Variants in MEGF9 observed in about 807,000 individuals in gnomAD.
The protein encoded by MEGF9 is multiple epidermal growth factor-like domains protein 9.
Under a neutral mutation model 46.8 loss-of-function variants are expected in MEGF9, and 6 were observed. The observed-to-expected ratio is 0.13, with a 90% confidence interval of 0.07 to 0.25. MEGF9 has a LOEUF of 0.25. MEGF9 is among the 10% of genes least tolerant of loss of function. The pLI, the probability that MEGF9 is intolerant of heterozygous loss-of-function variation, is 1.00. For synonymous variants in MEGF9, 302 were observed against 330.7 expected (o/e 0.91, Z 0.94); for missense variants, 683 against 792.4 (o/e 0.86, Z 1.66).
chr9:120,659,584 G>A lies in MEGF9; in HGVS notation c.602-9C>T, dbSNP rs763852811. ...GCAGTTACATACATACTCTGCAAAG[G>A]AAAGAAGGAAAGAGACATTACCAAC... On this transcript the variant is annotated splice_polypyrimidine_tract_variant and intron_variant, in intron 1 of 5. Transcript: ENST00000373930. 1.3e-6 allele frequency: 2 copies of A among 1,584,598 alleles called. No homozygotes were observed. The highest frequency in any genetic ancestry group is 1.7e-6 in the Non-Finnish European group (2 of 1,162,436).
intron 2 of MEGF9, among the ~76,000 whole-genome samples, chr9:120,632,666 T>G (rs906364899): frequency 6.6e-6 from 1 of 152,218 alleles, no homozygotes; most frequent in African/African-American, 2.4e-5. Flanking sequence ...CATCCTTGTC[T>G]TTTTCCAGTT....
rs1326141438 is a variant in MEGF9 at position 120,602,546 on chromosome 9, GA to G, written c.*2643del. 9 of 152,186 alleles carry G rather than the reference GA, an allele frequency of 5.9e-5. No homozygotes were observed. The highest frequency in any genetic ancestry group is 8.8e-5 in the Non-Finnish European group (6 of 68,004). 9.4% of individuals were successfully genotyped at this position (152,186 alleles called of 1,614,324 possible). On this transcript the variant is annotated 3_prime_UTR_variant, in exon 6 of 6. Coordinates refer to ENST00000373930, the MANE Select transcript of MEGF9 (RefSeq NM_001080497.3). The stretch of plus-strand genomic sequence containing the variant: ...ATTTTAAGACTTTTTTTCCCATTGA[GA>G]AAAATTATAACCATGATCTAGGAGC...
intron 3 of MEGF9, among the ~76,000 whole-genome samples, chr9:120,612,934 T>C (rs1267959587): frequency 6.6e-6 from 1 of 151,810 alleles, no homozygotes; most frequent in Non-Finnish European, 1.5e-5. Flanking sequence ...TCTTTTTTTT[T>C]TTTTTTTTTT....
chr9:120,673,063 A>G (rs886750611), intron 1 of MEGF9, among the ~76,000 whole-genome samples: 1 of 152,220 alleles, frequency 6.6e-6, no homozygotes, highest in African/African-American at 2.4e-5. Context: ...CAAAATTAAC[A>G]AACAAAAATC....
rs746375208 is a variant in MEGF9 at position 120,617,887 on chromosome 9, TA to T, written c.943+4728del. 2.0e-5 allele frequency among the ~76,000 whole-genome samples: 3 copies of T among 152,140 alleles called. No individual in the cohort carries two copies. The East Asian group carries it at 5.8e-4, about 29-fold the overall frequency. ...CTGATGAGCTGGATATTTGCAGTAA[TA>T]AAAAGGAGCAAAATCAAAAATGACT... On this transcript the variant is annotated intron_variant, in intron 3 of 5. Transcript: ENST00000373930.
At chr9:120,639,695 G>A (rs2043593792) in intron 2 of MEGF9, among the ~76,000 whole-genome samples, 2 of 152,024 alleles carry the variant, frequency 1.3e-5, no homozygotes, top group South Asian at 2.1e-4. Flanking sequence ...TATGTGGTAA[G>A]CACATATATA....
At chr9:120,678,868 G>GA (rs1246643929) in intron 1 of MEGF9, among the ~76,000 whole-genome samples, 1 of 152,066 alleles carries the variant, frequency 6.6e-6, no homozygotes, top group African/African-American at 2.4e-5. Flanking sequence ...ACAGACACAT[G>GA]AAAAAAGGCT....
In MEGF9 at chr9:120,650,094, G is replaced by A. The variant is rs564951605; in HGVS notation, c.803+9280C>T. ...AGCCTGGCCAAGATGGTGAAATCCC[G>A]TCTCTACTAAAAATACAAAAAAATA... On this transcript the variant is annotated intron_variant, in intron 2 of 5. Coordinates refer to ENST00000373930, the MANE Select transcript of MEGF9 (RefSeq NM_001080497.3). Among the ~76,000 whole-genome samples the A allele has an allele frequency of 1.6e-4, 25 of 152,154 alleles. No homozygotes were observed. The East Asian group carries it at 4.5e-3, about 27-fold the overall frequency.
chr9:120,689,782 G>C, intron 1 of MEGF9: 1 of 304,550 alleles, frequency 3.3e-6, no homozygotes, highest in South Asian at 3.1e-5. Context: ...TAATAAATTG[G>C]GCCCATAAAA....
chr9:120,691,950 C>T (rs1004324723), intron 1 of MEGF9, among the ~76,000 whole-genome samples: 3 of 152,106 alleles, frequency 2.0e-5, no homozygotes, highest in Non-Finnish European at 4.4e-5. Flanking sequence ...TTAGGTACTT[C>T]GAATACTGAA....
intron 1 of MEGF9, among the ~76,000 whole-genome samples, chr9:120,673,169 A>G (rs1480340645): frequency 1.3e-5 from 2 of 152,244 alleles, no homozygotes; most frequent in Non-Finnish European, 2.9e-5. Flanking sequence ...CTTACATACA[A>G]AATTAACGTG....
chr9:120,656,146 C>T (rs751731996), intron 2 of MEGF9, among the ~76,000 whole-genome samples: 3 of 152,112 alleles, frequency 2.0e-5, no homozygotes, highest in Non-Finnish European at 4.4e-5. Flanking sequence ...GGTTGAATGG[C>T]AGCTTTAGTA....
intron 3 of MEGF9, among the ~76,000 whole-genome samples, chr9:120,621,458 C>G (rs118070880): frequency 6.6e-6 from 1 of 152,186 alleles, no homozygotes; most frequent in Non-Finnish European, 1.5e-5. Context: ...TAGATTAATG[C>G]AATGAGTTAT....
chr9:120,607,121 T>C (rs2043423175), intron 5 of MEGF9, among the ~76,000 whole-genome samples: 1 of 152,208 alleles, frequency 6.6e-6, no homozygotes, highest in Non-Finnish European at 1.5e-5. Flanking sequence ...AAAGAGTGGT[T>C]TGTAGAACAG....
At chr9:120,682,442 A>T (rs1287974970) in intron 1 of MEGF9, among the ~76,000 whole-genome samples, 1 of 152,198 alleles carries the variant, frequency 6.6e-6, no homozygotes. Flanking sequence ...AGAGAACAAA[A>T]GGAAAGGTCA....
chr9:120,679,645 CAGAG>C (rs1471114928), intron 1 of MEGF9, among the ~76,000 whole-genome samples: 2 of 151,878 alleles, frequency 1.3e-5, no homozygotes, highest in African/African-American at 4.8e-5. Context: ...GAGAGAGAGA[CAGAG>C]AGACTCTGGC....
chr9:120,634,998 G>A (rs1323351861), intron 2 of MEGF9, among the ~76,000 whole-genome samples: 2 of 152,168 alleles, frequency 1.3e-5, no homozygotes, highest in Admixed American at 6.5e-5. Context: ...ATGTAAGGCT[G>A]TTCTAGTGGT....
chr9:120,708,380 C>T (rs1041547508), intron 1 of MEGF9, among the ~76,000 whole-genome samples: 6 of 152,066 alleles, frequency 3.9e-5, no homozygotes, highest in African/African-American at 1.4e-4. Flanking sequence ...CAAAACAAAA[C>T]AAAACAAACA....
At chr9:120,646,133 T>A (rs768595160) in intron 2 of MEGF9, among the ~76,000 whole-genome samples, 7 of 152,188 alleles carry the variant, frequency 4.6e-5, no homozygotes, top group Admixed American at 1.3e-4. Flanking sequence ...AACATGGCTG[T>A]CATGGCGTAT....
Sources: gnomAD v4.1 joint callset for allele counts (sites outside exome capture counted in the v4.1 genomes callset) on GRCh38, gnomAD v4.1.1 for gene constraint, MANE v1.5 for transcripts, NCBI Gene and HGNC (gene_info 2026-07-23, HGNC 2026-07-21) for gene names.